ANO3: variants seen among roughly 807,000 people sequenced by gnomAD.
ANO3 encodes anoctamin 3, also known as anoctamin-3.
A neutral mutation model predicts 144.8 loss-of-function variants in ANO3; 99 were observed. The ratio of observed to expected loss-of-function variants is 0.68; its 90% CI spans 0.58 to 0.81. The LOEUF (loss-of-function observed/expected upper bound fraction) is 0.81, where lower values mean the gene tolerates loss of function less well. ANO3 is among the 30% of genes least tolerant of loss of function. ANO3 has a pLI of 0.00. For missense variants in ANO3, 905 were observed against 1,202.2 expected, an observed-to-expected ratio of 0.75 and a Z score of 3.66; for synonymous variants, 414 against 392.6, an observed-to-expected ratio of 1.05 and a Z score of -0.64.
intron 1 of ANO3, among the ~76,000 whole-genome samples, chr11:26,401,927 G>A (rs893433201): frequency 6.6e-6 from 1 of 151,974 alleles, no homozygotes; most frequent in Non-Finnish European, 1.5e-5. Flanking sequence ...TGATCCGACA[G>A]TAACAGAAAA....
At chr11:26,644,416 A>T (rs61877274) in intron 23 of ANO3, among the ~76,000 whole-genome samples, 294 of 152,330 alleles carry the variant, frequency 1.9e-3, no homozygotes, top group Non-Finnish European at 3.5e-3. Context: ...TATAAACAAT[A>T]CTGAAGTGAT....
At chr11:26,635,186 G>A (rs983572807) in intron 20 of ANO3, 116 bp downstream of exon 20, 3 of 865,990 alleles carry the variant, frequency 3.5e-6, no homozygotes, top group Admixed American at 2.1e-5. Context: ...TATTGAAGAC[G>A]ACACATTGTT....
chr11:26,574,984 G>A (rs1326888851), intron 14 of ANO3, among the ~76,000 whole-genome samples: 1 of 151,984 alleles, frequency 6.6e-6, no homozygotes. Flanking sequence ...AACTTTAAAG[G>A]ATAGATCTTT....
intron 1 of ANO3, among the ~76,000 whole-genome samples, chr11:26,417,652 A>AT (rs1257819861): frequency 3.3e-5 from 5 of 152,078 alleles, no homozygotes; most frequent in Non-Finnish European, 7.4e-5. Context: ...AAGTATACAT[A>AT]TTTTTTAAAA....
chr11:26,631,765 A>G (rs2133035118), intron 18 of ANO3, among the ~76,000 whole-genome samples: 1 of 152,206 alleles, frequency 6.6e-6, no homozygotes, highest in East Asian at 1.9e-4. Context: ...CTAGTAAATG[A>G]ACTAACATGT....
At chr11:26,507,200 G>T (rs758850617) in intron 4 of ANO3, among the ~76,000 whole-genome samples, 1 of 152,176 alleles carries the variant, frequency 6.6e-6, no homozygotes, top group Non-Finnish European at 1.5e-5. Flanking sequence ...GATCAATAAA[G>T]CTGATTTATT....
chr11:26,509,544 C>G (rs2134139323), intron 5 of ANO3, among the ~76,000 whole-genome samples: 1 of 152,138 alleles, frequency 6.6e-6, no homozygotes, highest in Non-Finnish European at 1.5e-5. Flanking sequence ...AACTTCTGAC[C>G]TCAAGTGATC....
chr11:26,285,189 G>A (rs1853777352), intron 1 of ANO3, among the ~76,000 whole-genome samples: 1 of 151,912 alleles, frequency 6.6e-6, no homozygotes, highest in South Asian at 2.1e-4. Context: ...TTAGAAAATA[G>A]TAATGCATAT....
At chr11:26,391,612 G>A (rs1856881617) in intron 1 of ANO3, among the ~76,000 whole-genome samples, 1 of 152,062 alleles carries the variant, frequency 6.6e-6, no homozygotes, top group Non-Finnish European at 1.5e-5. Flanking sequence ...TCTGTGGGAA[G>A]TGTTTTCACT....
chr11:26,472,249 T>G (rs567263408), intron 4 of ANO3, among the ~76,000 whole-genome samples: 1 of 152,064 alleles, frequency 6.6e-6, no homozygotes, highest in South Asian at 2.1e-4. Context: ...ATCTGTCACC[T>G]CCAAGCCCTC....
At chr11:26,573,186 G>T (rs756033076) in intron 14 of ANO3, among the ~76,000 whole-genome samples, 5 of 152,168 alleles carry the variant, frequency 3.3e-5, no homozygotes, top group Non-Finnish European at 7.3e-5. Flanking sequence ...AAATGCAGGA[G>T]CTAGTAAGCT....
intron 17 of ANO3, among the ~76,000 whole-genome samples, chr11:26,608,237 C>T (rs893503602): frequency 1.3e-5 from 2 of 152,114 alleles, no homozygotes; most frequent in Admixed American, 6.5e-5. Context: ...CCTTCAGGCC[C>T]TATTCATTTG....
chr11:26,493,137 A>C (rs1213240586), intron 4 of ANO3, among the ~76,000 whole-genome samples: 1 of 152,212 alleles, frequency 6.6e-6, no homozygotes, highest in African/African-American at 2.4e-5. Context: ...AGTGTCTGGG[A>C]CTGAATAGGC....
chr11:26,634,417 A>G lies in ANO3; in HGVS notation c.1985+102A>G, dbSNP rs1852885265. On this transcript the variant is annotated intron_variant, in intron 19 of 26. Transcript: ENST00000256737. ...ACTCAAATGATTTCTGACAGCCACC[A>G]GCAGCTAAAGTTGGCACAAAAAAAT... The G allele has an allele frequency of 3.6e-5, 26 of 719,830 alleles. No homozygotes were observed. In the South Asian group the frequency reaches 5.5e-4, roughly 15 times the overall value. The allele number at this position is 719,830 out of a possible 1,614,324, so 44.6% of individuals were successfully genotyped here.
chr11:26,288,767 C>T (rs537685346), intron 1 of ANO3, among the ~76,000 whole-genome samples: 156 of 151,678 alleles, frequency 1.0e-3, no homozygotes, highest in Non-Finnish European at 1.8e-3. Context: ...CCTGAATACA[C>T]GAAATTAGTC....
In ANO3 at chr11:26,563,393, C is replaced by CTGTGTGTGTG. The variant is rs764671965; in HGVS notation, c.1447+3615_1447+3616insGTGTGTGTGT. ...AAATTAGATAATGGTGTGTTTCTCTCTCTGTGTGTGTGTGTGTGTGTGTGT... is the reference window on the plus strand; with the variant it reads ...AAATTAGATAATGGTGTGTTTCTCTCTGTGTGTGTGTCTGTGTGTGTGTGTGTGTGTGTGT... On this transcript the variant is annotated intron_variant, in intron 14 of 26. Transcript: ENST00000256737. 2,638 of 825,188 alleles carry CTGTGTGTGTG rather than the reference C, an allele frequency of 3.2e-3. 55 individuals carry two copies. Among genetic ancestry groups the CTGTGTGTGTG allele is most frequent in the South Asian group, 9.8e-3 (453 of 46,030 alleles). The allele number at this position is 825,188 out of a possible 1,614,324, so 51.1% of individuals were successfully genotyped here. A position where few individuals can be genotyped will look rare whatever the true frequency, so the allele number is the denominator to read the frequency against.
intron 9 of ANO3, among the ~76,000 whole-genome samples, chr11:26,535,145 A>G (rs899464809): frequency 3.3e-5 from 5 of 152,186 alleles, no homozygotes; most frequent in African/African-American, 7.2e-5. Context: ...ATGTAATTTC[A>G]TTTCTTAAAC....
At chr11:26,566,784 T>C (rs1159921743) in intron 14 of ANO3, among the ~76,000 whole-genome samples, 5 of 138,580 alleles carry the variant, frequency 3.6e-5, no homozygotes, top group Non-Finnish European at 1.6e-5. Context: ...TGAAATCAGA[T>C]TTATATTAAA....
chr11:26,643,468 T>C, intron 23 of ANO3, 134 bp downstream of exon 23: 2 of 1,023,982 alleles, frequency 2.0e-6, no homozygotes, highest in Non-Finnish European at 2.8e-6. Context: ...AAGAAGTGAT[T>C]AAGCTGGCCG....
Sources: gnomAD v4.1 joint callset for allele counts (sites outside exome capture counted in the v4.1 genomes callset) on GRCh38, gnomAD v4.1.1 for gene constraint, MANE v1.5 for transcripts, NCBI Gene and HGNC (gene_info 2026-07-23, HGNC 2026-07-21) for gene names.